Variants in KCNT2 observed in about 807,000 individuals in gnomAD.
KCNT2 encodes potassium sodium-activated channel subfamily T member 2.
A neutral mutation model predicts 153.8 loss-of-function variants in KCNT2; 67 were observed. That is an observed-to-expected ratio of 0.44 (90% CI 0.36 to 0.53). The LOEUF (loss-of-function observed/expected upper bound fraction) is 0.53, where lower values mean the gene tolerates loss of function less well. Among genes scored for constraint, KCNT2 ranks in the 20% least tolerant of loss-of-function variants. KCNT2 has a pLI of 0.00. For missense variants in KCNT2, 975 were observed against 1,354.8 expected (o/e 0.72, Z 4.40); for synonymous variants, 500 against 458.8 (o/e 1.09, Z -1.15).
chr1:196,256,930 A>G (rs1332153125), intron 26 of KCNT2, among the ~76,000 whole-genome samples: 1 of 152,012 alleles, frequency 6.6e-6, no homozygotes, highest in Non-Finnish European at 1.5e-5. Context: ...TTCTAAAATG[A>G]CGATCTTACT....
intron 22 of KCNT2, among the ~76,000 whole-genome samples, chr1:196,302,204 T>C (rs1661248661): frequency 6.6e-6 from 1 of 152,198 alleles, no homozygotes; most frequent in African/African-American, 2.4e-5. Context: ...CTACTGATTA[T>C]TTAAATATTG....
In KCNT2 at chr1:196,228,311, C is replaced by T. The variant is rs1297219587; in HGVS notation, c.3321G>A (p.Leu1107=). Residue 1107 remains leucine, a synonymous_variant, in exon 28 of 28, where the codon CTG becomes CTA. Transcript: ENST00000294725. ...TGGGCTCACTGTTTGGAAGGTAGGC[C>T]AGTGGATCTGGTCGAATTAAGTATC... is the stretch of plus-strand genomic sequence containing the variant. ...DVVYLIRPDP[L]AYLPNSEPSR... The T allele has an allele frequency of 1.9e-6, 3 of 1,606,596 alleles. No individual in the cohort carries two copies. In the African/African-American group the frequency reaches 4.0e-5, roughly 22 times the overall value.
intron 1 of KCNT2, among the ~76,000 whole-genome samples, chr1:196,543,112 TGTG>T (rs1656607618): frequency 6.6e-6 from 1 of 152,142 alleles, no homozygotes; most frequent in African/African-American, 2.4e-5. Context: ...AAAATATAGT[TGTG>T]GTAGTCTTGA....
chr1:196,554,133 C>T (rs1658326411), intron 1 of KCNT2, among the ~76,000 whole-genome samples: 1 of 150,828 alleles, frequency 6.6e-6, no homozygotes, highest in South Asian at 2.1e-4. Flanking sequence ...CAACCAAACC[C>T]CAAATTAGTA....
chr1:196,234,980 A>C (rs1654301112), intron 27 of KCNT2, among the ~76,000 whole-genome samples: 1 of 151,442 alleles, frequency 6.6e-6, no homozygotes. Flanking sequence ...TTTCTTTCCT[A>C]GGCTTACACC....
At chr1:196,282,119 T>A (rs1023758155) in intron 24 of KCNT2, among the ~76,000 whole-genome samples, 154 bp downstream of exon 24, 1 of 152,170 alleles carries the variant, frequency 6.6e-6, no homozygotes, top group Non-Finnish European at 1.5e-5. Flanking sequence ...ATGTTTTCCT[T>A]GAAATTTTTA....
intron 1 of KCNT2, among the ~76,000 whole-genome samples, chr1:196,606,153 C>T (rs1398309303): frequency 6.6e-6 from 1 of 152,148 alleles, no homozygotes; most frequent in Non-Finnish European, 1.5e-5. Flanking sequence ...TGCGCCTCTC[C>T]ATCCTTCCTC....
intron 12 of KCNT2, among the ~76,000 whole-genome samples, chr1:196,422,128 A>G (rs1235103481): frequency 6.6e-6 from 1 of 152,058 alleles, no homozygotes; most frequent in Non-Finnish European, 1.5e-5. Context: ...AAGATGAGAA[A>G]ATCAGTTTAA....
intron 1 of KCNT2, among the ~76,000 whole-genome samples, chr1:196,538,796 T>C (rs1364736864): frequency 6.6e-6 from 1 of 152,184 alleles, no homozygotes; most frequent in Non-Finnish European, 1.5e-5. Context: ...AAATTATAAC[T>C]CAATTTTCCA....
chr1:196,342,168 T>C lies in KCNT2; in HGVS notation c.1464A>G (p.Glu488=). ...QKMYGRCSGN[E]VYHIVLEEST... ...TTTCTTCCAAAACAATGTGGTAGAC[T>C]TCATTCCCGGAGCATCTACCGTACA... Residue 488 remains glutamate (E), a synonymous_variant, in exon 15 of 28, where the codon GAA becomes GAG. Coordinates refer to ENST00000294725, the MANE Select transcript of KCNT2 (RefSeq NM_198503.5). 6.2e-7 allele frequency: 1 copy of C among 1,611,738 alleles called. No individual in the cohort carries two copies. Among genetic ancestry groups the C allele is most frequent in the Non-Finnish European group, 8.5e-7 (1 of 1,178,974 alleles).
intron 1 of KCNT2, among the ~76,000 whole-genome samples, chr1:196,505,659 A>T (rs1218452343): frequency 6.6e-6 from 1 of 152,072 alleles, no homozygotes; most frequent in Non-Finnish European, 1.5e-5. Flanking sequence ...CATTGAATCT[A>T]TAAATTACCT....
intron 1 of KCNT2, among the ~76,000 whole-genome samples, chr1:196,555,333 T>C (rs911711242): frequency 6.6e-6 from 1 of 151,322 alleles, no homozygotes; most frequent in Non-Finnish European, 1.5e-5. Context: ...CATACAAAAA[T>C]CAGTAGCATT....
At chr1:196,593,554 A>ATT (rs1663677236) in intron 1 of KCNT2, among the ~76,000 whole-genome samples, 1 of 151,832 alleles carries the variant, frequency 6.6e-6, no homozygotes, top group South Asian at 2.1e-4. Context: ...GTATAATCGG[A>ATT]TTTTTTGTAA....
chr1:196,441,292 G>A (rs989130616), intron 8 of KCNT2, among the ~76,000 whole-genome samples: 1 of 151,286 alleles, frequency 6.6e-6, no homozygotes, highest in East Asian at 2.0e-4. Flanking sequence ...ATCATAGCTG[G>A]CCTTTCATTT....
In KCNT2 at chr1:196,518,678, A is replaced by G. The variant is rs923545667; in HGVS notation, c.96-26337T>C. On this transcript the variant is annotated intron_variant, in intron 1 of 27. Coordinates refer to ENST00000294725, the MANE Select transcript of KCNT2 (RefSeq NM_198503.5). ...AACTAACAAACAACAAAAATGATGG[A>G]AAAAAAAGCACATTACATAATGGTA... Among the ~76,000 whole-genome samples the G allele has an allele frequency of 7.2e-5, 11 of 152,024 alleles. No homozygotes were observed. In the South Asian group the frequency reaches 1.0e-3, roughly 14 times the overall value.
chr1:196,267,944 G>A (rs908614207), intron 25 of KCNT2, among the ~76,000 whole-genome samples: 3 of 152,072 alleles, frequency 2.0e-5, no homozygotes, highest in Non-Finnish European at 1.5e-5. Context: ...GGCTACCTAG[G>A]GAGCCCCTTG....
chr1:196,565,540 C>T (rs1348954434), intron 1 of KCNT2, among the ~76,000 whole-genome samples: 1 of 150,972 alleles, frequency 6.6e-6, no homozygotes, highest in Non-Finnish European at 1.5e-5. Flanking sequence ...ACCTAGGTGT[C>T]CACCAATGGA....
chr1:196,433,154 T>C (rs1674312766), intron 8 of KCNT2, among the ~76,000 whole-genome samples: 1 of 152,032 alleles, frequency 6.6e-6, no homozygotes, highest in Non-Finnish European at 1.5e-5. Context: ...ACTCAACAGA[T>C]GTTAAATTTC....
chr1:196,509,442 A>G (rs1409087494), intron 1 of KCNT2, among the ~76,000 whole-genome samples: 1 of 152,188 alleles, frequency 6.6e-6, no homozygotes, highest in Admixed American at 6.5e-5. Context: ...AATAAATCTT[A>G]GTTACCTAAC....
Sources: allele counts gnomAD v4.1 joint callset (sites outside exome capture counted in the v4.1 genomes callset), GRCh38; gene constraint gnomAD v4.1.1; transcripts MANE v1.5; gene names NCBI Gene and HGNC (gene_info 2026-07-23, HGNC 2026-07-21).